Variants in NFATC3 observed in about 807,000 individuals in gnomAD.
NFATC3 encodes nuclear factor of activated T cells 3.
In NFATC3, 46 loss-of-function variants were observed where a neutral mutation model predicts 98.6. The observed-to-expected ratio is 0.47, with a 90% CI of 0.37 to 0.60. The LOEUF (loss-of-function observed/expected upper bound fraction) is 0.60, where lower values mean the gene tolerates loss of function less well. NFATC3 is among the 20% of genes least tolerant of loss of function. The pLI is 0.00. For missense variants in NFATC3, 1,256 were observed against 1,295.5 expected (o/e 0.97, Z 0.47); for synonymous variants, 512 against 472.2 (o/e 1.08, Z -1.09).
intron 9 of NFATC3, among the ~76,000 whole-genome samples, chr16:68,216,038 A>G (rs887341602): frequency 2.0e-5 from 3 of 152,066 alleles, no homozygotes; most frequent in Admixed American, 1.3e-4. Context: ...AGATTTACAC[A>G]TATTAAGTGC....
chr16:68,127,763 G>T (rs117407655), intron 3 of NFATC3, among the ~76,000 whole-genome samples: 447 of 151,508 alleles, frequency 3.0e-3, no homozygotes, highest in Middle Eastern at 0.017. Flanking sequence ...ATTGAGAGAT[G>T]AAGTTATTGT....
intron 3 of NFATC3, among the ~76,000 whole-genome samples, chr16:68,156,317 A>G (rs1477317200): frequency 6.7e-6 from 1 of 149,718 alleles, no homozygotes; most frequent in Non-Finnish European, 1.5e-5. Context: ...CTTCGTCTCA[A>G]AAACAACAAC....
chr16:68,101,780 G>T (rs1208124523), intron 1 of NFATC3, among the ~76,000 whole-genome samples: 1 of 152,112 alleles, frequency 6.6e-6, no homozygotes, highest in Non-Finnish European at 1.5e-5. Context: ...ACCGCACCCG[G>T]TCCCAAAGTA....
At position 68,226,897 on chromosome 16, in the gene NFATC3, C is replaced by CAGAAAAAAAAAAAAA. The variant is rs2042046720; in HGVS notation, c.*427_*428insGAAAAAAAAAAAAAA. 3.3e-5 allele frequency: 1 copy of CAGAAAAAAAAAAAAA among 30,332 alleles called. No individual in the cohort carries two copies. Among genetic ancestry groups the CAGAAAAAAAAAAAAA allele is most frequent in the Non-Finnish European group, 5.5e-5 (1 of 18,154 alleles). The allele number at this position is 30,332 out of a possible 1,614,324, so 1.9% of individuals were successfully genotyped here. On this transcript the variant is annotated 3_prime_UTR_variant, in exon 10 of 10. Coordinates refer to ENST00000346183, the MANE Select transcript of NFATC3 (RefSeq NM_173165.3). The stretch of plus-strand genomic sequence containing the variant: ...AACTTTTGATAAGACCTTCTAGAAG[C>CAGAAAAAAAAAAAAA]AAAAAAAAAAAAAAAAAAAAAAAAA...
rs1169437683 is a variant in NFATC3, at chr16:68,227,514, T to TA, written c.*1044dup. 1 of 152,122 alleles carries TA rather than the reference T, an allele frequency of 6.6e-6. No individual in the cohort carries two copies. Among genetic ancestry groups the TA allele is most frequent in the Non-Finnish European group, 1.5e-5 (1 of 68,046 alleles). 9.4% of individuals were successfully genotyped at this position (152,122 alleles called of 1,614,324 possible). ...AGTACATCAGCATGGGCAGAGAAAA[T>TA]ACAGGACTCCAGATGGGAAGGTTTT... is the stretch of plus-strand genomic sequence containing the variant. On this transcript the variant is annotated 3_prime_UTR_variant, in exon 10 of 10. Coordinates refer to ENST00000346183, the MANE Select transcript of NFATC3 (RefSeq NM_173165.3).
At chr16:68,204,699 A>G (rs2041068800) in intron 9 of NFATC3, among the ~76,000 whole-genome samples, 1 of 152,236 alleles carries the variant, frequency 6.6e-6, no homozygotes, top group Non-Finnish European at 1.5e-5. Flanking sequence ...GTAACTTTCT[A>G]ATGTGCTGCC....
At chr16:68,219,319 G>T (rs2041764859) in intron 9 of NFATC3, among the ~76,000 whole-genome samples, 1 of 152,034 alleles carries the variant, frequency 6.6e-6, no homozygotes, top group Non-Finnish European at 1.5e-5. Context: ...GGAGGCGGAG[G>T]TTGCGGTGAG....
At chr16:68,118,678 C>T (rs1324500129) in intron 1 of NFATC3, among the ~76,000 whole-genome samples, 1 of 152,186 alleles carries the variant, frequency 6.6e-6, no homozygotes, top group Admixed American at 6.5e-5. Context: ...ATGATTCCCA[C>T]ATTTACATAG....
At chr16:68,203,404 G>T (rs1177089794) in intron 9 of NFATC3, among the ~76,000 whole-genome samples, 3 of 152,104 alleles carry the variant, frequency 2.0e-5, no homozygotes, top group Non-Finnish European at 4.4e-5. Flanking sequence ...GGCCAGAGCC[G>T]GTGGATCGCT....
At chr16:68,146,533 A>G (rs1017348336) in intron 3 of NFATC3, among the ~76,000 whole-genome samples, 8 of 152,078 alleles carry the variant, frequency 5.3e-5, no homozygotes, top group African/African-American at 1.9e-4. Context: ...AGTTTGTATT[A>G]TTTTTTCATT....
chr16:68,206,214 A>G lies in NFATC3; in HGVS notation c.3106+14439A>G, dbSNP rs557028995. Among the ~76,000 whole-genome samples the G allele has an allele frequency of 9.2e-5, 14 of 152,322 alleles. No homozygotes were observed. The South Asian group carries it at 2.5e-3, about 27-fold the overall frequency. On this transcript the variant is annotated intron_variant, in intron 9 of 9. Transcript: ENST00000346183. ...AAACCTAATTAAGTCATTTCACACA[A>G]TGTTCTCCCATGAGAAAATCCAAAG... is the stretch of plus-strand genomic sequence containing the variant.
intron 1 of NFATC3, among the ~76,000 whole-genome samples, chr16:68,102,085 G>A (rs2151463760): frequency 6.6e-6 from 1 of 151,804 alleles, no homozygotes; most frequent in Non-Finnish European, 1.5e-5. Flanking sequence ...ATATTTAAAG[G>A]TCTTCACCAG....
In NFATC3 at chr16:68,211,144, C is replaced by A. The variant is rs141306710; in HGVS notation, c.3107-15206C>A. Among the ~76,000 whole-genome samples, 126 of 151,830 alleles carry A rather than the reference C, an allele frequency of 8.3e-4. No individual in the cohort carries two copies. The Middle Eastern group carries it at 0.01, about 13-fold the overall frequency. On this transcript the variant is annotated intron_variant, in intron 9 of 9. Transcript: ENST00000346183. ...CTCATAATGAGTTAGGAAGTGTTTC[C>A]TTTTCTTTAATCTTTTTAAGAGTTT...
At chr16:68,217,898 T>C in intron 9 of NFATC3, 1 of 1,226,182 alleles carries the variant, frequency 8.2e-7, no homozygotes, top group Non-Finnish European at 1.0e-6. Context: ...AGCCAGGAAA[T>C]ATACTCTGTA....
intron 9 of NFATC3, among the ~76,000 whole-genome samples, chr16:68,198,122 A>C (rs1239609953): frequency 6.6e-6 from 1 of 151,692 alleles, no homozygotes; most frequent in Non-Finnish European, 1.5e-5. Flanking sequence ...GAGTTTGAGA[A>C]TAGCCTGGAC....
At chr16:68,212,602 T>G (rs2041454105) in intron 9 of NFATC3, 1 of 152,138 alleles carries the variant, frequency 6.6e-6, no homozygotes, top group Non-Finnish European at 1.5e-5. Context: ...TGACTCTTCT[T>G]TTGTGCAGTG....
chr16:68,159,939 G>C (rs2038809462), intron 4 of NFATC3, among the ~76,000 whole-genome samples: 1 of 151,904 alleles, frequency 6.6e-6, no homozygotes, highest in Non-Finnish European at 1.5e-5. Context: ...TTACCTGGGT[G>C]TGGTGGCGGG....
chr16:68,095,480 A>G (rs1050752348), intron 1 of NFATC3, among the ~76,000 whole-genome samples: 2 of 151,272 alleles, frequency 1.3e-5, no homozygotes, highest in African/African-American at 4.9e-5. Flanking sequence ...ATGCCTCCCA[A>G]GTAGCTGGGA....
At chr16:68,124,803 C>T (rs921048166) in intron 2 of NFATC3, among the ~76,000 whole-genome samples, 1 of 151,412 alleles carries the variant, frequency 6.6e-6, no homozygotes, top group Non-Finnish European at 1.5e-5. Context: ...GATCTCAGCT[C>T]ACTGCCATCT....
Sources: gnomAD v4.1 joint callset for allele counts (sites outside exome capture counted in the v4.1 genomes callset) on GRCh38, gnomAD v4.1.1 for gene constraint, MANE v1.5 for transcripts, NCBI Gene and HGNC (gene_info 2026-07-23, HGNC 2026-07-21) for gene names.